The following LEO1 variants were observed in gnomAD, a reference collection of about 807,000 sequenced individuals.
LEO1 encodes the protein RNA polymerase-associated protein LEO1.
LEO1 carries 34 observed loss-of-function variants against 80.4 expected under a neutral mutation model. That is an observed-to-expected ratio of 0.42 (90% CI 0.32 to 0.56). The LOEUF (loss-of-function observed/expected upper bound fraction) is 0.56, where lower values mean the gene tolerates loss of function less well. Among genes scored for constraint, LEO1 ranks in the 20% least tolerant of loss-of-function variants. The probability of loss-of-function intolerance (pLI) is 0.10; values close to 1 mark genes in which losing one functional copy is unlikely to be tolerated. For missense variants in LEO1, 631 were observed against 814.2 expected (o/e 0.77, Z 2.74); for synonymous variants, 262 against 274.9 (o/e 0.95, Z 0.46).
At position 51,966,023 on chromosome 15, in the gene LEO1, G is replaced by A. The variant is rs202222424; in HGVS notation, c.540C>T (p.Asp180=). ...CTGTGTTCTGCATTTTCTCATCATC[G>A]TCAGAATTCTGCAGCTTATCTTCAT... ...GSDEDKLQNS[D]DDEKMQNTDD... The change falls in exon 2 of 12, where the codon GAC becomes GAT. Residue 180 remains aspartate (D), a synonymous_variant. Transcript: ENST00000299601. 9.5e-5 allele frequency: 154 copies of A among 1,613,900 alleles called. No homozygotes were observed. Among genetic ancestry groups the A allele is most frequent in the African/African-American group, 2.5e-4 (19 of 74,978 alleles).
chr15:51,958,881 G>A (rs1183607136), intron 5 of LEO1, 55 bp from the exon 6 acceptor site: 3 of 872,530 alleles, frequency 3.4e-6, no homozygotes, highest in South Asian at 1.6e-5. Context: ...GAATATTACT[G>A]CTATGTAATA....
intron 7 of LEO1, among the ~76,000 whole-genome samples, 187 bp from the exon 8 acceptor site, chr15:51,953,450 A>G (rs2141759197): frequency 6.6e-6 from 1 of 152,156 alleles, no homozygotes; most frequent in Middle Eastern, 3.4e-3. Context: ...GTGAAACCCC[A>G]TCTCTGGTAA....
At chr15:51,941,254 AC>A (rs1197473205) in intron 11 of LEO1, among the ~76,000 whole-genome samples, 3 of 152,202 alleles carry the variant, frequency 2.0e-5, no homozygotes, top group African/African-American at 7.2e-5. Context: ...CATAACTGCA[AC>A]AGATCCCAGT....
In LEO1 at chr15:51,965,642, C is replaced by T. The variant is rs564878160; in HGVS notation, c.814+107G>A. On this transcript the variant is annotated intron_variant, in intron 2 of 11. Coordinates refer to ENST00000299601, the MANE Select transcript of LEO1 (RefSeq NM_138792.4). Reference sequence around the variant, plus strand: ...TTAGAAAAGTTTGAAAGGGAGGGGACAGAAGAGAAAAAACAGGGTAATAAA... The same window carrying T: ...TTAGAAAAGTTTGAAAGGGAGGGGATAGAAGAGAAAAAACAGGGTAATAAA... 3.4e-4 allele frequency: 483 copies of T among 1,435,116 alleles called. 1 individual carries two copies. The highest frequency in any genetic ancestry group is 4.8e-4 in the Admixed American group (20 of 41,736). The allele number at this position is 1,435,116 out of a possible 1,614,324, so 88.9% of individuals were successfully genotyped here. A position where few individuals can be genotyped will look rare whatever the true frequency, so the allele number is the denominator to read the frequency against.
In LEO1 at chr15:51,962,413, C is replaced by T; in HGVS notation, c.895G>A (p.Asp299Asn). 1 of 1,611,892 alleles carries T rather than the reference C, an allele frequency of 6.2e-7. No homozygotes were observed. The highest frequency in any genetic ancestry group is 8.5e-7 in the Non-Finnish European group (1 of 1,178,302). Residue 299 changes from aspartate (D) to asparagine (N), a missense_variant, in exon 3 of 12, where the codon GAT becomes AAT. Asp to Asn is a conservative substitution (Grantham distance 23, BLOSUM62 1). Around this residue, in one of 4 missense-constraint regions of LEO1, gnomAD observed 394 missense variants for 395.6 expected, o/e 1.00. Coordinates refer to ENST00000299601, the MANE Select transcript of LEO1 (RefSeq NM_138792.4). ...KNAIASDSEADSDTEVPKDNS... is the reference protein window; with the variant it reads ...KNAIASDSEANSDTEVPKDNS... ...CCTTTTGGCACCTCAGTGTCACTAT[C>T]CGCTTCTGAATCAGATGCAATCGCA...
intron 7 of LEO1, 113 bp downstream of exon 7, chr15:51,954,368 T>G (rs2056971993): frequency 1.5e-6 from 1 of 679,264 alleles, no homozygotes; most frequent in Non-Finnish European, 2.6e-6. Flanking sequence ...GGCAACAGAG[T>G]GAGACCCCAT....
At chr15:51,970,312 C>A (rs935106572) in intron 1 of LEO1, among the ~76,000 whole-genome samples, 1 of 152,140 alleles carries the variant, frequency 6.6e-6, no homozygotes, top group African/African-American at 2.4e-5. Flanking sequence ...CACGCACGAC[C>A]ACACCTGGCT....
chr15:51,966,533 A>C lies in LEO1; in HGVS notation c.59-29T>G, dbSNP rs769699949. 3 of 1,363,274 alleles carry C rather than the reference A, an allele frequency of 2.2e-6. No individual in the cohort carries two copies. The Admixed American group carries it at 5.9e-5, about 27-fold the overall frequency. 84.4% of individuals were successfully genotyped at this position (1,363,274 alleles called of 1,614,324 possible). A position where few individuals can be genotyped will look rare whatever the true frequency, so the allele number is the denominator to read the frequency against. On this transcript the variant is annotated intron_variant, in intron 1 of 11. Transcript: ENST00000299601. The stretch of plus-strand genomic sequence containing the variant: ...TGGGGTCATATAAACATAGGATAAC[A>C]TAAGCAAAAAAAGGCAGAGTAAGGC...
Position 51,948,130 on chromosome 15 carries a change from C to T in LEO1, c.1799-741G>A, listed in dbSNP as rs190648085. ...TTTCAAAGAGAGATGTAGAGGGGCG[C>T]CCATCTGCTCCACTGCCCAAGCCCA... is the stretch of plus-strand genomic sequence containing the variant. On this transcript the variant is annotated intron_variant, in intron 10 of 11. Transcript: ENST00000299601. Among the ~76,000 whole-genome samples the T allele has an allele frequency of 2.5e-3, 387 of 152,278 alleles. 1 individual carries two copies. The highest frequency in any genetic ancestry group is 0.01 in the Middle Eastern group (3 of 294).
intron 11 of LEO1, among the ~76,000 whole-genome samples, chr15:51,941,893 A>G (rs1323961388): frequency 1.3e-5 from 2 of 152,228 alleles, no homozygotes. Context: ...GAGGAAATAG[A>G]GATATGAGAT....
intron 1 of LEO1, among the ~76,000 whole-genome samples, chr15:51,966,774 G>A (rs1389280968): frequency 1.3e-5 from 2 of 152,052 alleles, no homozygotes; most frequent in Non-Finnish European, 2.9e-5. Context: ...AGCCAGGCAT[G>A]GTTGCACATG....
At chr15:51,955,983 T>C (rs1039293079) in intron 6 of LEO1, among the ~76,000 whole-genome samples, 3 of 152,220 alleles carry the variant, frequency 2.0e-5, no homozygotes, top group African/African-American at 4.8e-5. Context: ...TCGACAACTG[T>C]TGAAGTGGGT....
At chr15:51,966,641 T>C (rs1595947956) in intron 1 of LEO1, 137 bp from the exon 2 acceptor site, 3 of 589,172 alleles carry the variant, frequency 5.1e-6, no homozygotes, top group South Asian at 4.2e-5. Context: ...CCGGGTGCAG[T>C]GGCTCACGCC....
chr15:51,938,035 A>G lies in LEO1; in HGVS notation c.*121T>C. 1 of 603,918 alleles carries G rather than the reference A, an allele frequency of 1.7e-6. No individual in the cohort carries two copies. Among genetic ancestry groups the G allele is most frequent in the Non-Finnish European group, 2.8e-6 (1 of 362,442 alleles). The allele number at this position is 603,918 out of a possible 1,614,324, so 37.4% of individuals were successfully genotyped here. Reference sequence around the variant, plus strand: ...CTTAAACATAGAGACTTGCTTTTAAATTGTTTTATTACAATTAAAATTACA... The same window carrying G: ...CTTAAACATAGAGACTTGCTTTTAAGTTGTTTTATTACAATTAAAATTACA... On this transcript the variant is annotated 3_prime_UTR_variant, in exon 12 of 12. Coordinates refer to ENST00000299601, the MANE Select transcript of LEO1 (RefSeq NM_138792.4).
In LEO1 at chr15:51,947,339, C is replaced by G; in HGVS notation, c.1849G>C (p.Asp617His). ...GCTTTGAGTAATCTTTGAGCTTTAT[C>G]TTCTTCTGATCCCTCATCACTGTCT... Reference protein sequence around the residue: ...SSDSDEGSEEDKAQRLLKAKK... With the variant: ...SSDSDEGSEEHKAQRLLKAKK... The change falls in exon 11 of 12, where the codon GAT becomes CAT. Residue 617 changes from aspartate (D) to histidine (H), a missense_variant. By Grantham distance (81) the Asp-to-His change is moderately conservative. Transcript: ENST00000299601. 6.2e-7 allele frequency: 1 copy of G among 1,613,816 alleles called. No homozygotes were observed. The highest frequency in any genetic ancestry group is 8.5e-7 in the Non-Finnish European group (1 of 1,179,832).
chr15:51,967,144 T>A (rs1332557164), intron 1 of LEO1, among the ~76,000 whole-genome samples: 2 of 152,044 alleles, frequency 1.3e-5, no homozygotes, highest in Non-Finnish European at 2.9e-5. Context: ...TAATGGAGTC[T>A]CAGAAGAAGA....
At chr15:51,965,022 A>G (rs2057063834) in intron 2 of LEO1, among the ~76,000 whole-genome samples, 1 of 152,176 alleles carries the variant, frequency 6.6e-6, no homozygotes, top group Non-Finnish European at 1.5e-5. Flanking sequence ...GGATACACCC[A>G]TCAATCTGTC....
intron 7 of LEO1, among the ~76,000 whole-genome samples, chr15:51,953,708 C>T (rs1283069404): frequency 2.0e-5 from 3 of 151,980 alleles, no homozygotes; most frequent in Non-Finnish European, 4.4e-5. Flanking sequence ...AATAAGAAGT[C>T]ATAATGAGAA....
At chr15:51,969,509 C>T (rs1475628228) in intron 1 of LEO1, among the ~76,000 whole-genome samples, 1 of 151,078 alleles carries the variant, frequency 6.6e-6, no homozygotes, top group East Asian at 2.0e-4. Context: ...GTGGCAGGCG[C>T]CTGTAATCCC....
Sources: allele counts gnomAD v4.1 joint callset (sites outside exome capture counted in the v4.1 genomes callset), GRCh38; gene constraint gnomAD v4.1.1; regional missense constraint gnomAD v4.1.1; transcripts MANE v1.5; gene names NCBI Gene and HGNC (gene_info 2026-07-23, HGNC 2026-07-21).